MRPS15: variants seen among roughly 807,000 people sequenced by gnomAD.
MRPS15 encodes mitochondrial ribosomal protein S15.
In MRPS15, 25 loss-of-function variants were observed where a neutral mutation model predicts 30.7. That is an observed-to-expected ratio of 0.81 (90% CI 0.59 to 1.14). The LOEUF is 1.14. MRPS15 is among the 50% of genes most tolerant of loss of function. The probability of loss-of-function intolerance (pLI) is 0.00; values close to 1 mark genes in which losing one functional copy is unlikely to be tolerated. For synonymous variants in MRPS15, 124 were observed against 120.1 expected, an observed-to-expected ratio of 1.03 and a Z score of -0.21; for missense variants, 313 against 321.7, an observed-to-expected ratio of 0.97 and a Z score of 0.21.
intron 3 of MRPS15, among the ~76,000 whole-genome samples, chr1:36,461,526 G>T (rs540223536): frequency 6.6e-6 from 1 of 152,192 alleles, no homozygotes; most frequent in Admixed American, 6.5e-5. Context: ...CTGTCAGCTC[G>T]ACTGTTCCGG....
intron 2 of MRPS15, among the ~76,000 whole-genome samples, chr1:36,463,289 T>C (rs1478414812): frequency 1.3e-5 from 2 of 152,230 alleles, no homozygotes; most frequent in Non-Finnish European, 2.9e-5. Context: ...TTCTAATATA[T>C]ACTATCAATA....
At chr1:36,464,107 G>A (rs920080583) in intron 1 of MRPS15, 39 bp downstream of exon 1, 4 of 1,503,392 alleles carry the variant, frequency 2.7e-6, no homozygotes, top group Non-Finnish European at 2.7e-6. Flanking sequence ...GCCGAACCCT[G>A]TTTCCCTACG....
chr1:36,458,377 C>T lies in MRPS15; in HGVS notation c.386-396G>A, dbSNP rs554955581. On this transcript the variant is annotated intron_variant, in intron 5 of 7. Transcript: ENST00000373116. The surrounding 1 kb of genome is among the most constrained non-coding windows in gnomAD (Gnocchi z 4.5). ...CAGAGCAGCTGGGATTACAGGCGCC[C>T]GCCACCACACACGGCTAATTTTTCT... 2.1e-4 allele frequency: 34 copies of T among 163,040 alleles called. 1 individual carries two copies. The highest frequency in any genetic ancestry group is 6.0e-4 in the African/African-American group (25 of 41,846). The allele number at this position is 163,040 out of a possible 1,614,324, so 10.1% of individuals were successfully genotyped here. A position where few individuals can be genotyped will look rare whatever the true frequency, so the allele number is the denominator to read the frequency against.
At chr1:36,463,345 C>T (rs1321215974) in intron 2 of MRPS15, among the ~76,000 whole-genome samples, 2 of 152,200 alleles carry the variant, frequency 1.3e-5, no homozygotes, top group African/African-American at 2.4e-5. Flanking sequence ...TGTATTATCG[C>T]TGAATCCTAA....
chr1:36,463,993 T>A, intron 1 of MRPS15, 143 bp from the exon 2 acceptor site: 2 of 1,498,744 alleles, frequency 1.3e-6, no homozygotes, highest in Non-Finnish European at 1.8e-6. Flanking sequence ...CTACCCCTTG[T>A]CTCTCACATC....
At chr1:36,462,245 C>T (rs16823052) in intron 2 of MRPS15, 82 bp from the exon 3 acceptor site, 83,389 of 988,838 alleles carry the variant, frequency 0.084, 3,987 homozygotes, top group Middle Eastern at 0.15. Flanking sequence ...TTTTCACCCA[C>T]TCTCCAACTC....
rs766599791 is a variant in MRPS15, at chr1:36,456,249, G to T, written c.574C>A (p.Pro192Thr). ...CWGLGIEYTFPPLYYRRAHRR... is the reference protein window; with the variant it reads ...CWGLGIEYTFTPLYYRRAHRR... ...TGGGCTCTTCGGTAATACAGAGGGGGGAAGGTGTACTCAATTCCCAGCCCC... is the reference window on the plus strand; with the variant it reads ...TGGGCTCTTCGGTAATACAGAGGGGTGAAGGTGTACTCAATTCCCAGCCCC... The change falls in exon 7 of 8, where the codon CCC (proline) becomes ACC (threonine). Residue 192 changes from proline (P) to threonine (T), a missense_variant. By Grantham distance (38) the Pro-to-Thr change is conservative (BLOSUM62 -1). Coordinates refer to ENST00000373116, the MANE Select transcript of MRPS15 (RefSeq NM_031280.4). 6.2e-7 allele frequency: 1 copy of T among 1,614,084 alleles called. No individual in the cohort carries two copies. The highest frequency in any genetic ancestry group is 1.3e-5 in the African/African-American group (1 of 75,038).
intron 7 of MRPS15, 26 bp downstream of exon 7, chr1:36,456,161 A>C (rs1359912534): frequency 5.1e-6 from 8 of 1,583,922 alleles, no homozygotes; most frequent in Non-Finnish European, 6.9e-6. Flanking sequence ...AGTGGGGCCA[A>C]GCAAAGCCGC....
Position 36,455,839 on chromosome 1 carries a change from G to T in MRPS15, c.723C>A (p.Asn241Lys). 6.2e-7 allele frequency: 1 copy of T among 1,614,176 alleles called. No homozygotes were observed. Among genetic ancestry groups the T allele is most frequent in the Non-Finnish European group, 8.5e-7 (1 of 1,180,038 alleles). Residue 241 changes from asparagine to lysine, a missense_variant, in exon 8 of 8, where the codon AAC (asparagine) becomes AAA (lysine). By Grantham distance (94) the Asn-to-Lys change is moderately conservative (BLOSUM62 0). Coordinates refer to ENST00000373116, the MANE Select transcript of MRPS15 (RefSeq NM_031280.4). ...AAAQKQAKRR[N>K]PDSPAKAIPK... ...GTATGGCTTTGGCAGGGCTGTCTGG[G>T]TTCCTCCGCTTTGCTTGTTTTTGGG...
At chr1:36,455,998 G>A (rs1649986336) in intron 7 of MRPS15, 73 bp from the exon 8 acceptor site, 1 of 1,566,556 alleles carries the variant, frequency 6.4e-7, no homozygotes, top group Admixed American at 1.9e-5. Context: ...AAGTGGGATG[G>A]GAACTATTTC....
intron 5 of MRPS15, among the ~76,000 whole-genome samples, chr1:36,460,272 C>T (rs926646302): frequency 3.3e-5 from 5 of 152,180 alleles, no homozygotes; most frequent in Admixed American, 6.5e-5. Context: ...TCCCAAAGTG[C>T]TGGGATTACA....
chr1:36,464,011 A>T, intron 1 of MRPS15, 135 bp downstream of exon 1: 1 of 1,501,360 alleles, frequency 6.7e-7, no homozygotes, highest in Non-Finnish European at 9.0e-7. Flanking sequence ...ATCTTGTTTC[A>T]CCTCTTGCGC....
chr1:36,460,642 C>T, intron 5 of MRPS15, 50 bp downstream of exon 5: 2 of 1,396,588 alleles, frequency 1.4e-6, no homozygotes, highest in East Asian at 4.6e-5. Context: ...GATCAGGTCC[C>T]AGCTAGCAGG....
chr1:36,457,930 T>C lies in MRPS15; in HGVS notation c.437A>G (p.His146Arg), dbSNP rs761330858. The C allele has an allele frequency of 3.1e-6, 5 of 1,614,194 alleles. No homozygotes were observed. Among genetic ancestry groups the C allele is most frequent in the African/African-American group, 1.3e-5 (1 of 75,054 alleles). ...ATGACGTCCAGAGTTTACCTTTCGA[T>C]GTTTCTCCAAGTGTTCTTCATAACT... ...IRSYEEHLEK[H>R]RKDKAHKRYL... Residue 146 changes from histidine (H) to arginine (R), a missense_variant, in exon 6 of 8, where the codon CAT (histidine) becomes CGT (arginine). Coordinates refer to ENST00000373116, the MANE Select transcript of MRPS15 (RefSeq NM_031280.4).
rs141725098 is a variant in MRPS15 at position 36,456,271 on chromosome 1, C to T, written c.552G>A (p.Gly184=). The change falls in exon 7 of 8, where the codon GGG becomes GGA. Residue 184 remains glycine (G), a synonymous_variant. Transcript: ENST00000373116. ...GGGGGAAGGTGTACTCAATTCCCAG[C>T]CCCCAGCATATCTTCTCAAAGACAT... The part of the protein sequence containing the change: ...NYDVFEKICW[G]LGIEYTFPPL... The T allele has an allele frequency of 6.2e-7, 1 of 1,614,140 alleles. No homozygotes were observed.
chr1:36,461,355 G>A, intron 3 of MRPS15, 43 bp from the exon 4 acceptor site: 2 of 1,575,206 alleles, frequency 1.3e-6, no homozygotes, highest in Admixed American at 1.7e-5. Flanking sequence ...TGGGGGAGAA[G>A]AGAGGAAAGC....
rs1285345667 is a variant in MRPS15 at position 36,455,797 on chromosome 1, G to A, written c.765C>T (p.Asp255=). ...AATGATTGAACAGAATTTATTGGCT[G>A]TCTTTGAGTGTCTTTGGTATGGCTT... is the stretch of plus-strand genomic sequence containing the variant. The part of the protein sequence containing the change: ...PAKAIPKTLK[D]SQ Residue 255 remains aspartate, a synonymous_variant, in exon 8 of 8, where the codon GAC becomes GAT. Transcript: ENST00000373116. 6.2e-7 allele frequency: 1 copy of A among 1,613,756 alleles called. No individual in the cohort carries two copies. The highest frequency in any genetic ancestry group is 1.3e-5 in the African/African-American group (1 of 74,896).
At chr1:36,464,072 C>CT in intron 1 of MRPS15, 74 bp downstream of exon 1, 1 of 1,577,620 alleles carries the variant, frequency 6.3e-7, no homozygotes, top group Non-Finnish European at 8.6e-7. Context: ...TCCCCTACTC[C>CT]TGTGCTTCCT....
At chr1:36,456,564 A>G (rs1417301765) in intron 6 of MRPS15, 186 bp from the exon 7 acceptor site, 2 of 603,320 alleles carry the variant, frequency 3.3e-6, no homozygotes, top group Non-Finnish European at 5.5e-6. Flanking sequence ...AGGTTTAAAG[A>G]TGTTATCTGA....
Sources: gnomAD v4.1 joint callset for allele counts (sites outside exome capture counted in the v4.1 genomes callset) on GRCh38, gnomAD v4.1.1 for gene constraint, Gnocchi (gnomAD v3.1) non-coding constraint, MANE v1.5 for transcripts, NCBI Gene and HGNC (gene_info 2026-07-23, HGNC 2026-07-21) for gene names.